Variants in UBE2G1 observed in about 807,000 individuals in gnomAD.
UBE2G1 encodes ubiquitin conjugating enzyme E2 G1, also known as ubiquitin-conjugating enzyme E2 G1.
Under a neutral mutation model 22.7 loss-of-function variants are expected in UBE2G1, and 5 were observed. That is an observed-to-expected ratio of 0.22 (90% CI 0.12 to 0.46). The LOEUF (loss-of-function observed/expected upper bound fraction) is 0.46, where lower values mean the gene tolerates loss of function less well. UBE2G1 is among the 20% of genes least tolerant of loss of function. UBE2G1 has a pLI of 0.99. For missense variants in UBE2G1, 88 were observed against 203.9 expected, an observed-to-expected ratio of 0.43 and a Z score of 3.46; for synonymous variants, 74 against 67.5, an observed-to-expected ratio of 1.10 and a Z score of -0.47.
chr17:4,304,571 G>A (rs16953893), intron 2 of UBE2G1, among the ~76,000 whole-genome samples: 145,022 of 152,188 alleles, frequency 0.95, 69,527 homozygotes, highest in East Asian at 1. Flanking sequence ...GAACGGTACC[G>A]GTTATCAATC....
At chr17:4,308,631 C>A (rs575677585) in intron 1 of UBE2G1, among the ~76,000 whole-genome samples, 4 of 152,298 alleles carry the variant, frequency 2.6e-5, no homozygotes, top group Admixed American at 2.0e-4. Flanking sequence ...ATCACCCACA[C>A]AATTATCACA....
At chr17:4,333,628 T>G (rs1312361287) in intron 1 of UBE2G1, among the ~76,000 whole-genome samples, 11 of 152,090 alleles carry the variant, frequency 7.2e-5, no homozygotes, top group Admixed American at 1.3e-4. Flanking sequence ...GAGACCATCC[T>G]GTCTAACACA....
intron 1 of UBE2G1, among the ~76,000 whole-genome samples, chr17:4,334,356 T>C (rs1969620159): frequency 6.6e-6 from 1 of 152,204 alleles, no homozygotes; most frequent in Non-Finnish European, 1.5e-5. Context: ...ATTTCTACTG[T>C]GTACAAAAGT....
intron 1 of UBE2G1, among the ~76,000 whole-genome samples, chr17:4,355,951 C>G (rs1158919157): frequency 2.0e-5 from 3 of 147,710 alleles, no homozygotes; most frequent in Non-Finnish European, 4.5e-5. Flanking sequence ...CCGCCCGCCT[C>G]GGCCTCCCAA....
In UBE2G1 at chr17:4,346,042, G is replaced by C. The variant is rs538194508; in HGVS notation, c.46+20229C>G. 4.6e-5 allele frequency among the ~76,000 whole-genome samples: 7 copies of C among 152,236 alleles called. No individual in the cohort carries two copies. The East Asian group carries it at 1.3e-3, about 29-fold the overall frequency. On this transcript the variant is annotated intron_variant, in intron 1 of 5. Transcript: ENST00000396981. ...GATTCTAGCATCTGCTATTGATATTGCAACAATATAGGATTCAGAATTGCT... is the reference window on the plus strand; with the variant it reads ...GATTCTAGCATCTGCTATTGATATTCCAACAATATAGGATTCAGAATTGCT...
chr17:4,332,529 CAG>C (rs1969590751), intron 1 of UBE2G1, among the ~76,000 whole-genome samples: 1 of 152,182 alleles, frequency 6.6e-6, no homozygotes, highest in African/African-American at 2.4e-5. Context: ...CATTCTCACT[CAG>C]AGCAATGGCC....
chr17:4,310,009 A>T (rs941753249), intron 1 of UBE2G1, among the ~76,000 whole-genome samples: 15 of 152,226 alleles, frequency 9.9e-5, no homozygotes, highest in Non-Finnish European at 1.9e-4. Flanking sequence ...ATACAAAAGC[A>T]ATGTTGAAAA....
chr17:4,309,063 C>A (rs1226320786), intron 1 of UBE2G1, among the ~76,000 whole-genome samples: 1 of 152,106 alleles, frequency 6.6e-6, no homozygotes, highest in Non-Finnish European at 1.5e-5. Flanking sequence ...AGTTCAAGAC[C>A]AGCCTGGCCA....
intron 1 of UBE2G1, among the ~76,000 whole-genome samples, chr17:4,314,788 T>C (rs1255146891): frequency 1.3e-5 from 2 of 152,040 alleles, no homozygotes; most frequent in East Asian, 1.9e-4. Flanking sequence ...CTAAGTACAA[T>C]AACTAATTCA....
At chr17:4,311,057 G>A (rs568533882) in intron 1 of UBE2G1, among the ~76,000 whole-genome samples, 1 of 151,726 alleles carries the variant, frequency 6.6e-6, no homozygotes, top group Admixed American at 6.6e-5. Context: ...CCAAAAAAAA[G>A]AAACAAAAGA....
chr17:4,310,253 C>A (rs185990594), intron 1 of UBE2G1, among the ~76,000 whole-genome samples: 1 of 152,240 alleles, frequency 6.6e-6, no homozygotes, highest in East Asian at 1.9e-4. Context: ...ATTGTACTTT[C>A]AGTCTATCTA....
intron 3 of UBE2G1, 151 bp downstream of exon 3, chr17:4,296,566 A>G: frequency 1.3e-6 from 1 of 776,426 alleles, no homozygotes; most frequent in Non-Finnish European, 2.2e-6. Flanking sequence ...TCCTCCTTTT[A>G]AAGGTTTTAG....
intron 5 of UBE2G1, among the ~76,000 whole-genome samples, chr17:4,272,865 A>G (rs1364583758): frequency 2.0e-5 from 3 of 152,236 alleles, no homozygotes; most frequent in Non-Finnish European, 2.9e-5. Context: ...AGATTTTTCA[A>G]TACTTCAAAT....
chr17:4,347,755 C>T (rs181808567), intron 1 of UBE2G1, among the ~76,000 whole-genome samples: 3 of 152,184 alleles, frequency 2.0e-5, no homozygotes, highest in African/African-American at 7.2e-5. Context: ...AGGATAAAGG[C>T]GTGAGCCACC....
At chr17:4,324,111 AG>A (rs1969474933) in intron 1 of UBE2G1, among the ~76,000 whole-genome samples, 1 of 152,244 alleles carries the variant, frequency 6.6e-6, no homozygotes, top group African/African-American at 2.4e-5. Context: ...GTTCGAATTT[AG>A]AACCATTAAC....
chr17:4,334,293 A>G (rs192714994), intron 1 of UBE2G1, among the ~76,000 whole-genome samples: 154 of 152,316 alleles, frequency 1.0e-3, no homozygotes, highest in South Asian at 6.2e-4. Flanking sequence ...TCTTTGGGAA[A>G]AAGTCATTGA....
At position 4,270,110 on chromosome 17, in the gene UBE2G1, C is replaced by G. The variant is rs1402519942; in HGVS notation, c.*2444G>C. 6.6e-6 allele frequency: 1 copy of G among 152,536 alleles called. No individual in the cohort carries two copies. Among genetic ancestry groups the G allele is most frequent in the African/African-American group, 2.4e-5 (1 of 41,484 alleles). 9.4% of individuals were successfully genotyped at this position (152,536 alleles called of 1,614,324 possible). On this transcript the variant is annotated 3_prime_UTR_variant, in exon 6 of 6. Transcript: ENST00000396981. The stretch of plus-strand genomic sequence containing the variant: ...TGTGGAGACGCACTCATGCCTGGCT[C>G]TCACTTCCACTCCCGTAGAGCTAGC...
At chr17:4,296,002 C>G (rs192725467) in intron 3 of UBE2G1, among the ~76,000 whole-genome samples, 2 of 149,838 alleles carry the variant, frequency 1.3e-5, no homozygotes, top group East Asian at 2.0e-4. Context: ...AATCTTACAC[C>G]TATGAATACA....
chr17:4,358,312 G>C (rs1302542355), intron 1 of UBE2G1, among the ~76,000 whole-genome samples: 1 of 152,082 alleles, frequency 6.6e-6, no homozygotes, highest in East Asian at 1.9e-4. Context: ...GCCCAGGCTG[G>C]AGTGTAGCGG....
Sources: allele counts gnomAD v4.1 joint callset (sites outside exome capture counted in the v4.1 genomes callset), GRCh38; gene constraint gnomAD v4.1.1; transcripts MANE v1.5; gene names NCBI Gene and HGNC (gene_info 2026-07-23, HGNC 2026-07-21).